The following CATSPERD variants were observed in gnomAD, a reference collection of about 807,000 sequenced individuals.
CATSPERD encodes cation channel sperm-associated auxiliary subunit delta.
In CATSPERD, 86 loss-of-function variants were observed where a neutral mutation model predicts 98.1. That is an observed-to-expected ratio of 0.88 (90% CI 0.74 to 1.05). The LOEUF (loss-of-function observed/expected upper bound fraction) is 1.05. CATSPERD is among the 50% of genes least tolerant of loss of function. CATSPERD has a pLI of 0.00. For missense variants in CATSPERD, 995 were observed against 1,005.7 expected (o/e 0.99, Z 0.14); for synonymous variants, 394 against 390.2 (o/e 1.01, Z -0.12).
intron 7 of CATSPERD, among the ~76,000 whole-genome samples, chr19:5,743,581 A>G (rs2056031854): frequency 6.8e-6 from 1 of 148,146 alleles, no homozygotes; most frequent in Non-Finnish European, 1.5e-5. Context: ...CCTGGGCAAC[A>G]GAGTGAGACT....
intron 17 of CATSPERD, 80 bp downstream of exon 17, chr19:5,766,235 C>A (rs975884444): frequency 2.5e-6 from 3 of 1,181,986 alleles, no homozygotes; most frequent in South Asian, 1.5e-5. Context: ...CAGATCACTT[C>A]AGGTCAGGAG....
intron 9 of CATSPERD, 61 bp downstream of exon 9, chr19:5,746,124 A>T: frequency 6.3e-7 from 1 of 1,587,724 alleles, no homozygotes; most frequent in South Asian, 1.1e-5. Context: ...GGGGCCGAGT[A>T]CAGCCTGGAT....
At chr19:5,755,596 T>C (rs1161369225) in intron 13 of CATSPERD, among the ~76,000 whole-genome samples, 2 of 151,504 alleles carry the variant, frequency 1.3e-5, no homozygotes, top group Non-Finnish European at 2.9e-5. Context: ...ATAGTGAGAC[T>C]CCATCTGTAC....
chr19:5,725,927 G>A (rs981859927), intron 2 of CATSPERD, among the ~76,000 whole-genome samples: 3 of 151,996 alleles, frequency 2.0e-5, no homozygotes, highest in African/African-American at 7.2e-5. Context: ...TCAGCATTTT[G>A]AAACAATCTT....
chr19:5,760,398 C>CAA lies in CATSPERD; in HGVS notation c.1427+1267_1427+1268dup, dbSNP rs71172763. Among the ~76,000 whole-genome samples the CAA allele has an allele frequency of 4.4e-3, 607 of 138,706 alleles. 17 individuals carry two copies. In the East Asian group the frequency reaches 0.073, roughly 17 times the overall value. 91.0% of individuals were successfully genotyped at this position (138,706 alleles called of 152,430 possible). A position where few individuals can be genotyped will look rare whatever the true frequency, so the allele number is the denominator to read the frequency against. ...TAGGTGATAGAGCAAAACTCGTTCT[C>CAA]AAAAAAAAAAAAAAGTAAGGGAATC... On this transcript the variant is annotated intron_variant, in intron 15 of 21. Transcript: ENST00000381624.
rs145944203 is a variant in CATSPERD at position 5,746,623 on chromosome 19, C to T, written c.808+560C>T. Among the ~76,000 whole-genome samples, 138 of 151,710 alleles carry T rather than the reference C, an allele frequency of 9.1e-4. 1 individual carries two copies. The highest frequency in any genetic ancestry group is 1.6e-3 in the Non-Finnish European group (111 of 67,904). ...TTTTTTTTTGTATTTTTAGTAGAGACGGGGTTTCACCGTGTTAGCCAGGAT... is the reference window on the plus strand; with the variant it reads ...TTTTTTTTTGTATTTTTAGTAGAGATGGGGTTTCACCGTGTTAGCCAGGAT... On this transcript the variant is annotated intron_variant, in intron 9 of 21. Coordinates refer to ENST00000381624, the MANE Select transcript of CATSPERD (RefSeq NM_152784.4).
chr19:5,777,711 C>T (rs753556878), intron 21 of CATSPERD, among the ~76,000 whole-genome samples: 1 of 151,872 alleles, frequency 6.6e-6, no homozygotes, highest in Admixed American at 6.6e-5. Flanking sequence ...GGAGAAGCTC[C>T]GTCTCTACTA....
At chr19:5,764,133 G>A (rs2056495403) in intron 16 of CATSPERD, among the ~76,000 whole-genome samples, 1 of 151,464 alleles carries the variant, frequency 6.6e-6, no homozygotes, top group African/African-American at 2.4e-5. Flanking sequence ...ACAGGCATGA[G>A]CCACTGCGCC....
At chr19:5,731,570 T>TG in intron 4 of CATSPERD, among the ~76,000 whole-genome samples, 1 of 117,404 alleles carries the variant, frequency 8.5e-6, no homozygotes, top group South Asian at 3.2e-4. Flanking sequence ...GTTTTTTTTT[T>TG]TTTTTTTTTT....
chr19:5,763,514 C>T (rs1396208016), intron 16 of CATSPERD, among the ~76,000 whole-genome samples: 1 of 152,114 alleles, frequency 6.6e-6, no homozygotes, highest in Admixed American at 6.6e-5. Flanking sequence ...GGATGAACCT[C>T]GAGGAGATCC....
chr19:5,744,610 A>AT (rs889433824), intron 8 of CATSPERD, 100 bp downstream of exon 8: 386 of 777,258 alleles, frequency 5.0e-4, no homozygotes, highest in Non-Finnish European at 5.8e-4. Flanking sequence ...TATTTATTTA[A>AT]TTTTTTTTTA....
chr19:5,739,450 T>G lies in CATSPERD; in HGVS notation c.573+11T>G, dbSNP rs768079757. 1.2e-5 allele frequency: 17 copies of G among 1,391,342 alleles called. No homozygotes were observed. Among genetic ancestry groups the G allele is most frequent in the Non-Finnish European group, 1.7e-5 (17 of 997,774 alleles). The allele number at this position is 1,391,342 out of a possible 1,614,324, so 86.2% of individuals were successfully genotyped here. A position where few individuals can be genotyped will look rare whatever the true frequency, so the allele number is the denominator to read the frequency against. ...CACTATGACAGACAGGTATGTTAAA[T>G]TTGGTAAGAATGTGAAAATAAATAC... is the stretch of plus-strand genomic sequence containing the variant. On this transcript the variant is annotated intron_variant, in intron 7 of 21. Coordinates refer to ENST00000381624, the MANE Select transcript of CATSPERD (RefSeq NM_152784.4).
intron 11 of CATSPERD, among the ~76,000 whole-genome samples, chr19:5,750,659 C>T (rs533460589): frequency 4.0e-5 from 6 of 151,408 alleles, no homozygotes; most frequent in African/African-American, 9.7e-5. Context: ...GGCTTGAACC[C>T]GGGAGACGGA....
chr19:5,759,801 C>T (rs113447204), intron 15 of CATSPERD, among the ~76,000 whole-genome samples: 2,292 of 151,816 alleles, frequency 0.015, 58 homozygotes, highest in African/African-American at 0.051. Flanking sequence ...CCGGGCCGGG[C>T]GCGGTGGCTC....
chr19:5,772,884 G>A lies in CATSPERD; in HGVS notation c.1860G>A (p.Gln620=), dbSNP rs1476928298. The part of the protein sequence containing the change: ...QFSYSYSLTA[Q]SAMCTSQPQN... ...CATACTCCTATTCCCTGACGGCCCA[G>A]TCGGCCATGTGTACCTCCCAGCCGC... Residue 620 remains glutamine, a synonymous_variant, in exon 20 of 22, where the codon CAG becomes CAA. Transcript: ENST00000381624. 1 of 1,614,014 alleles carries A rather than the reference G, an allele frequency of 6.2e-7. No homozygotes were observed. Among genetic ancestry groups the A allele is most frequent in the African/African-American group, 1.3e-5 (1 of 74,916 alleles).
intron 15 of CATSPERD, among the ~76,000 whole-genome samples, chr19:5,762,054 ATATATTTTTTTT>A (rs1361190901): frequency 1.3e-4 from 2 of 14,882 alleles, no homozygotes; most frequent in African/African-American, 4.2e-4. Flanking sequence ...ATATATATAT[ATATATTTTTTTT>A]TTTTTTTTTT....
chr19:5,735,879 C>T (rs2055836084), intron 5 of CATSPERD, among the ~76,000 whole-genome samples: 1 of 150,412 alleles, frequency 6.6e-6, no homozygotes, highest in African/African-American at 2.4e-5. Context: ...CTCCTGGGTT[C>T]ATGCCATTCT....
Position 5,732,515 on chromosome 19 carries a change from C to T in CATSPERD, c.277-1341C>T, listed in dbSNP as rs930339556. ...TGGCGTGATCTCAGCTCACTGCAAC[C>T]TCCACCTCCCGAGTTCACACCATTC... On this transcript the variant is annotated intron_variant, in intron 4 of 21. Coordinates refer to ENST00000381624, the MANE Select transcript of CATSPERD (RefSeq NM_152784.4). Among the ~76,000 whole-genome samples, 25 of 151,908 alleles carry T rather than the reference C, an allele frequency of 1.6e-4. No individual in the cohort carries two copies. In the South Asian group the frequency reaches 2.3e-3, roughly 14 times the overall value.
chr19:5,754,305 TC>T, intron 13 of CATSPERD, 60 bp downstream of exon 13: 1 of 1,162,334 alleles, frequency 8.6e-7, no homozygotes, highest in Non-Finnish European at 1.3e-6. Flanking sequence ...TGGTGCCCAC[TC>T]CCAGATTCTG....
Sources: gnomAD v4.1 joint callset for allele counts (sites outside exome capture counted in the v4.1 genomes callset) on GRCh38, gnomAD v4.1.1 for gene constraint, MANE v1.5 for transcripts, NCBI Gene and HGNC (gene_info 2026-07-23, HGNC 2026-07-21) for gene names.